CBS: variants seen among roughly 807,000 people sequenced by gnomAD.
The protein encoded by CBS is cystathionine beta-synthase.
For synonymous variants in CBS, 23 were observed against 52.2 expected, an observed-to-expected ratio of 0.44 and a Z score of 2.41; for missense variants, 27 against 124.8, an observed-to-expected ratio of 0.22 and a Z score of 3.73.
At position 43,066,593 on chromosome 21, in the gene CBS, C is replaced by T. The variant is rs55829976; in HGVS notation, c.317-216G>A. Among the ~76,000 whole-genome samples the T allele has an allele frequency of 0.012, 669 of 56,194 alleles. 33 individuals carry two copies. The highest frequency in any genetic ancestry group is 0.086 in the African/African-American group (429 of 4,966). 36.9% of individuals were successfully genotyped at this position (56,194 alleles called of 152,430 possible). On this transcript the variant is annotated intron_variant, in intron 4 of 16. Transcript: ENST00000398165. Reference sequence around the variant, plus strand: ...CCCCCTGCAGCCCATCCTACCGGTCCTGCAGGGCGCTGAGCAACTCTGTGG... The same window carrying T: ...CCCCCTGCAGCCCATCCTACCGGTCTTGCAGGGCGCTGAGCAACTCTGTGG...
chr21:43,068,410 C>T, intron 4 of CBS, 99 bp downstream of exon 4: 1 of 170,450 alleles, frequency 5.9e-6, no homozygotes, highest in Non-Finnish European at 1.2e-5. Context: ...ATCCCAGGGC[C>T]TTGCCTAAGG....
At position 43,068,512 on chromosome 21, in the gene CBS, G is replaced by C. The variant is rs1601375543; in HGVS notation, c.313C>G (p.Leu105Val). ...IGKKFGLKCE[L>V]LAKCEFFNAG... ...TCTCCAAAGCCAGGGCACTCACAGA[G>C]CTCACACTTCAGGCCGAACTTCTTC... Residue 105 changes from leucine to valine, a missense_variant, in exon 4 of 17, where the codon CTC (leucine) becomes GTC (valine). Leu to Val is a conservative substitution (Grantham distance 32). Transcript: ENST00000398165. 3 of 348,138 alleles carry C rather than the reference G, an allele frequency of 8.6e-6. No homozygotes were observed. Among genetic ancestry groups the C allele is most frequent in the Non-Finnish European group, 1.6e-5 (3 of 185,198 alleles). 21.6% of individuals were successfully genotyped at this position (348,138 alleles called of 1,614,324 possible).
Position 43,065,196 on chromosome 21 carries a change from G to T in CBS, c.736+7C>A. 3.0e-6 allele frequency: 4 copies of T among 1,323,544 alleles called. 1 individual carries two copies. The highest frequency in any genetic ancestry group is 2.1e-6 in the Non-Finnish European group (2 of 936,048). The allele number at this position is 1,323,544 out of a possible 1,614,324, so 82.0% of individuals were successfully genotyped here. A position where few individuals can be genotyped will look rare whatever the true frequency, so the allele number is the denominator to read the frequency against. On this transcript the variant is annotated splice_region_variant and intron_variant, in intron 8 of 16. Transcript: ENST00000398165. ...TAAATGCAATCAAGATGGACAGAGG[G>T]ACGCACCATCACACTGCTGCAGGAT...
In CBS at chr21:43,066,657, C is replaced by T. The variant is rs953502491; in HGVS notation, c.317-280G>A. Among the ~76,000 whole-genome samples, 5 of 72,008 alleles carry T rather than the reference C, an allele frequency of 6.9e-5. 1 individual carries two copies. Among genetic ancestry groups the T allele is most frequent in the Non-Finnish European group, 1.3e-4 (5 of 37,850 alleles). The allele number at this position is 72,008 out of a possible 152,430, so 47.2% of individuals were successfully genotyped here. On this transcript the variant is annotated intron_variant, in intron 4 of 16. Transcript: ENST00000398165. ...ATAAGCAGCCCTCACTGGGGGGCGC[C>T]GCAGAAAACCCCGTCCCCCCACCCA...
intron 3 of CBS, among the ~76,000 whole-genome samples, chr21:43,069,840 AAAGCC>A (rs1427771488): frequency 1.2e-4 from 1 of 8,010 alleles, no homozygotes; most frequent in Non-Finnish European, 2.9e-4. Flanking sequence ...GGCCAGGTGG[AAAGCC>A]AAGCCCCAGG....
chr21:43,068,292 C>G (rs71320599), intron 4 of CBS: 5 of 418,928 alleles, frequency 1.2e-5, no homozygotes, highest in Non-Finnish European at 1.8e-5. Context: ...CCTGGTCCAT[C>G]TGCTGGGGAG....
At position 43,065,730 on chromosome 21, in the gene CBS, A is replaced by AC. The variant is rs750102986; in HGVS notation, c.452-36dup. ...CACAGAGGGTGAGAGGGGCCCAGTG[A>AC]CCCCCCAAGCCCTGCCCCGCCCCTG... On this transcript the variant is annotated intron_variant, in intron 5 of 16. Transcript: ENST00000398165. The AC allele has an allele frequency of 2.0e-5, 4 of 202,912 alleles. 1 individual carries two copies. Among genetic ancestry groups the AC allele is most frequent in the Admixed American group, 1.7e-4 (2 of 11,686 alleles). 12.6% of individuals were successfully genotyped at this position (202,912 alleles called of 1,614,324 possible). A position where few individuals can be genotyped will look rare whatever the true frequency, so the allele number is the denominator to read the frequency against.
At position 43,066,119 on chromosome 21, in the gene CBS, G is replaced by A. The variant is rs112120780; in HGVS notation, c.451+124C>T. 2.0e-5 allele frequency: 14 copies of A among 683,908 alleles called. 1 individual carries two copies. In the African/African-American group the frequency reaches 2.1e-4, roughly 10 times the overall value. 42.4% of individuals were successfully genotyped at this position (683,908 alleles called of 1,614,324 possible). On this transcript the variant is annotated intron_variant, in intron 5 of 16. Coordinates refer to ENST00000398165, the MANE Select transcript of CBS (RefSeq NM_000071.3). ...CCGGCAGCGGGTGCAAGATGCCAGG[G>A]AGCAGGCGGCCAGGCGGGCCAGCAC...
chr21:43,057,307 G>C (rs1981316262), intron 15 of CBS, among the ~76,000 whole-genome samples: 1 of 134,836 alleles, frequency 7.4e-6, no homozygotes, highest in Admixed American at 7.2e-5. Context: ...ACAGGCAAAT[G>C]AGGCTGGGCA....
rs116034093 is a variant in CBS at position 43,057,337 on chromosome 21, C to T, written c.1468-450G>A. Among the ~76,000 whole-genome samples, 293 of 134,130 alleles carry T rather than the reference C, an allele frequency of 2.2e-3. 5 individuals are homozygous for T. The highest frequency in any genetic ancestry group is 7.1e-3 in the African/African-American group (270 of 38,094). The allele number at this position is 134,130 out of a possible 152,430, so 88.0% of individuals were successfully genotyped here. On this transcript the variant is annotated intron_variant, in intron 15 of 16. Transcript: ENST00000398165. ...TGGGCAGGAGAAAGACCCCGGCAGA[C>T]GCCGCATGGTGCCCGGGACAGCCTC...
rs6586281 is a variant in CBS, at chr21:43,058,283, G to A, written c.1359-30C>T. The A allele has an allele frequency of 0.031, 20 of 640 alleles. No homozygotes were observed. Among genetic ancestry groups the A allele is most frequent in the Non-Finnish European group, 0.056 (7 of 124 alleles). 0.0% of individuals were successfully genotyped at this position (640 alleles called of 1,614,324 possible). A position where few individuals can be genotyped will look rare whatever the true frequency, so the allele number is the denominator to read the frequency against. On this transcript the variant is annotated intron_variant, in intron 14 of 16. Transcript: ENST00000398165. Reference sequence around the variant, plus strand: ...GGGACGGGGGCAGGCAGGGGTCAGCGCTCATACCTCACCCCTCCCAGGACG... The same window carrying A: ...GGGACGGGGGCAGGCAGGGGTCAGCACTCATACCTCACCCCTCCCAGGACG...
chr21:43,056,779 C>T (rs182453456), intron 16 of CBS, 24 bp downstream of exon 16: 1 of 96,410 alleles, frequency 1.0e-5, no homozygotes, highest in Admixed American at 1.0e-4. Context: ...GAGAACCCCA[C>T]GCACAGAGCA....
intron 5 of CBS, 118 bp downstream of exon 5, chr21:43,066,125 G>A: frequency 2.6e-6 from 2 of 762,390 alleles, no homozygotes; most frequent in African/African-American, 2.2e-5. Flanking sequence ...CAGGGAGCAG[G>A]CGGCCAGGCG....
rs115873686 is a variant in CBS, at chr21:43,067,770, G to A, written c.316+739C>T. On this transcript the variant is annotated intron_variant, in intron 4 of 16. Transcript: ENST00000398165. ...CGCGGCACCCTTCCTGCCTCCCTCCGAACTCACTTGGCCTTGGTCATCTGA... is the reference window on the plus strand; with the variant it reads ...CGCGGCACCCTTCCTGCCTCCCTCCAAACTCACTTGGCCTTGGTCATCTGA... 5.6e-4 allele frequency: 216 copies of A among 387,762 alleles called. 40 individuals carry two copies. Among genetic ancestry groups the A allele is most frequent in the African/African-American group, 4.7e-3 (160 of 33,996 alleles). The allele number at this position is 387,762 out of a possible 1,614,324, so 24.0% of individuals were successfully genotyped here.
At chr21:43,070,956 ATCT>A in intron 3 of CBS, among the ~76,000 whole-genome samples, 1 of 7,198 alleles carries the variant, frequency 1.4e-4, no homozygotes, top group African/African-American at 2.5e-4. Context: ...GGAATCAAAC[ATCT>A]AAGAAGCACA....
chr21:43,067,939 C>G (rs566398311), intron 4 of CBS: 2 of 113,932 alleles, frequency 1.8e-5, no homozygotes, highest in Admixed American at 1.3e-4. Context: ...AGCCTGGAAA[C>G]TGCGTCCTGC....
intron 4 of CBS, among the ~76,000 whole-genome samples, chr21:43,066,597 A>G (rs1012622010): frequency 8.6e-5 from 5 of 58,218 alleles, no homozygotes; most frequent in Admixed American, 6.6e-4. Flanking sequence ...CCGGTCCTGC[A>G]GGGCGCTGAG....
Position 43,066,237 on chromosome 21 carries a change from A to T in CBS, c.451+6T>A, listed in dbSNP as rs1982720287. 3 of 1,355,458 alleles carry T rather than the reference A, an allele frequency of 2.2e-6. 1 individual carries two copies. 84.0% of individuals were successfully genotyped at this position (1,355,458 alleles called of 1,614,324 possible). A position where few individuals can be genotyped will look rare whatever the true frequency, so the allele number is the denominator to read the frequency against. ...CCTGGCCACCCCCTCTGGGCCTGGCACCCACCGGTGTTCCCGGATGTCGGC... is the reference window on the plus strand; with the variant it reads ...CCTGGCCACCCCCTCTGGGCCTGGCTCCCACCGGTGTTCCCGGATGTCGGC... On this transcript the variant is annotated splice_donor_region_variant and intron_variant, in intron 5 of 16. Transcript: ENST00000398165.
rs1315606527 is a variant in CBS, at chr21:43,066,179, C to T, written c.451+64G>A. On this transcript the variant is annotated intron_variant, in intron 5 of 16. Transcript: ENST00000398165. ...CAGCTCAGCCATCCCCCCCGGGTCCCGGCAGGCTCGGCATGGGTAGGGGAC... is the reference window on the plus strand; with the variant it reads ...CAGCTCAGCCATCCCCCCCGGGTCCTGGCAGGCTCGGCATGGGTAGGGGAC... 1.5e-5 allele frequency: 19 copies of T among 1,301,806 alleles called. 2 individuals are homozygous for T. The highest frequency in any genetic ancestry group is 2.0e-5 in the Non-Finnish European group (19 of 942,398). The allele number at this position is 1,301,806 out of a possible 1,614,324, so 80.6% of individuals were successfully genotyped here.
Sources: gnomAD v4.1 joint callset for allele counts (sites outside exome capture counted in the v4.1 genomes callset) on GRCh38, gnomAD v4.1.1 for gene constraint, MANE v1.5 for transcripts, NCBI Gene and HGNC (gene_info 2026-07-23, HGNC 2026-07-21) for gene names.